The following PGPEP1L variants were observed in gnomAD, a reference collection of about 807,000 sequenced individuals.
PGPEP1L encodes pyroglutamyl-peptidase 1-like protein.
A neutral mutation model predicts 6.0 loss-of-function variants in PGPEP1L; 7 were observed. The observed-to-expected ratio is 1.17, with a 90% CI of 0.66 to 2.19. The LOEUF is 2.19. Among genes scored for constraint, PGPEP1L ranks in the 30% most tolerant of loss-of-function variants. The pLI is 0.00. For missense variants in PGPEP1L, 209 were observed against 192.5 expected, an observed-to-expected ratio of 1.09 and a Z score of -0.51; for synonymous variants, 103 against 83.9, an observed-to-expected ratio of 1.23 and a Z score of -1.24.
chr15:99,003,187 T>C (rs1347684734), intron 2 of PGPEP1L, among the ~76,000 whole-genome samples: 9 of 132,676 alleles, frequency 6.8e-5, no homozygotes, highest in East Asian at 4.1e-4. Context: ...AGGGCAGTTA[T>C]AGAAAATAGT....
At chr15:98,978,867 C>A (rs534742646) in intron 2 of PGPEP1L, among the ~76,000 whole-genome samples, 50 of 151,058 alleles carry the variant, frequency 3.3e-4, no homozygotes, top group African/African-American at 1.1e-3. Context: ...GTAGCTGGGA[C>A]TACAGGCACG....
rs761260263 is a variant in PGPEP1L at position 99,007,638 on chromosome 15, G to A, written c.-649C>T. On this transcript the variant is annotated 5_prime_UTR_variant, in exon 1 of 5. Coordinates refer to ENST00000535714, the MANE Select transcript of PGPEP1L (RefSeq NM_001167902.2). ...GTTTCTCCCGGTGGGTCCGTGATGT[G>A]GCTGGCTTTAAGAACGAAGCTGCAG... The A allele has an allele frequency of 6.6e-6, 1 of 152,042 alleles. No individual in the cohort carries two copies. The highest frequency in any genetic ancestry group is 2.4e-5 in the African/African-American group (1 of 41,422). The allele number at this position is 152,042 out of a possible 1,614,324, so 9.4% of individuals were successfully genotyped here. A position where few individuals can be genotyped will look rare whatever the true frequency, so the allele number is the denominator to read the frequency against.
chr15:99,005,556 T>C lies in PGPEP1L; in HGVS notation c.-269A>G. ...CGCTCTGAGCTCCGGGCACCTTCTC[T>C]GCCTGGCCGCGTGCTCGCCGGGGAC... On this transcript the variant is annotated 5_prime_UTR_variant, in exon 2 of 5. Coordinates refer to ENST00000535714, the MANE Select transcript of PGPEP1L (RefSeq NM_001167902.2). The C allele has an allele frequency of 6.6e-6, 1 of 152,394 alleles. No individual in the cohort carries two copies. The allele number at this position is 152,394 out of a possible 1,614,324, so 9.4% of individuals were successfully genotyped here. A position where few individuals can be genotyped will look rare whatever the true frequency, so the allele number is the denominator to read the frequency against.
chr15:98,998,931 C>T (rs1383397084), intron 2 of PGPEP1L, among the ~76,000 whole-genome samples: 4 of 152,122 alleles, frequency 2.6e-5, no homozygotes, highest in African/African-American at 4.8e-5. Flanking sequence ...GCTGAGATTG[C>T]GCCACTTAAC....
chr15:98,990,755 T>A (rs1555471964), intron 2 of PGPEP1L, among the ~76,000 whole-genome samples: 3 of 152,050 alleles, frequency 2.0e-5, no homozygotes, highest in Non-Finnish European at 4.4e-5. Context: ...GAAATCATAA[T>A]AAACAGTCTC....
rs1407025641 is a variant in PGPEP1L at position 99,007,732 on chromosome 15, A to G, written c.-743T>C. The G allele has an allele frequency of 6.6e-6, 1 of 152,266 alleles. No individual in the cohort carries two copies. Among genetic ancestry groups the G allele is most frequent in the African/African-American group, 2.4e-5 (1 of 41,460 alleles). 9.4% of individuals were successfully genotyped at this position (152,266 alleles called of 1,614,324 possible). On this transcript the variant is annotated 5_prime_UTR_variant, in exon 1 of 5. Coordinates refer to ENST00000535714, the MANE Select transcript of PGPEP1L (RefSeq NM_001167902.2). ...CAAACAGTAAGCAGCAGCAACGGTT[A>G]TTGCAAACAAGCAAAACAACAAAAC...
intron 4 of PGPEP1L, 108 bp downstream of exon 4, chr15:98,969,317 C>T: frequency 7.0e-7 from 1 of 1,423,060 alleles, no homozygotes; most frequent in Non-Finnish European, 9.8e-7. Context: ...ACCGCATGGC[C>T]AAGTGGCCAG....
In PGPEP1L at chr15:99,007,770, G is replaced by C. The variant is rs1264230325; in HGVS notation, c.-781C>G. The stretch of plus-strand genomic sequence containing the variant: ...AAAACAACAAAACTTCCACAGCACA[G>C]AAGGCGACTCCAGCAAGTTGCTACT... On this transcript the variant is annotated 5_prime_UTR_variant, in exon 1 of 5. Transcript: ENST00000535714. 2.6e-5 allele frequency: 4 copies of C among 152,238 alleles called. No homozygotes were observed. Among genetic ancestry groups the C allele is most frequent in the African/African-American group, 4.8e-5 (2 of 41,436 alleles). The allele number at this position is 152,238 out of a possible 1,614,324, so 9.4% of individuals were successfully genotyped here.
At chr15:99,006,790 C>A (rs1311358319) in intron 1 of PGPEP1L, among the ~76,000 whole-genome samples, 1 of 152,116 alleles carries the variant, frequency 6.6e-6, no homozygotes, top group Non-Finnish European at 1.5e-5. Context: ...AGAGTGAGAC[C>A]CTGTCTCTAA....
At chr15:98,985,853 C>T (rs1472729226) in intron 2 of PGPEP1L, among the ~76,000 whole-genome samples, 1 of 152,244 alleles carries the variant, frequency 6.6e-6, no homozygotes, top group African/African-American at 2.4e-5. Context: ...TTTATTCCAG[C>T]TTTTCAGAAG....
At chr15:99,007,083 G>GATTCTGAACC (rs2151769667) in intron 1 of PGPEP1L, among the ~76,000 whole-genome samples, 1 of 152,308 alleles carries the variant, frequency 6.6e-6, no homozygotes, top group East Asian at 1.9e-4. Context: ...GGCTTTCTGG[G>GATTCTGAACC]ATTCTGAACC....
At chr15:98,986,220 G>A (rs1283057738) in intron 2 of PGPEP1L, among the ~76,000 whole-genome samples, 1 of 152,184 alleles carries the variant, frequency 6.6e-6, no homozygotes, top group Non-Finnish European at 1.5e-5. Context: ...TCTTTCATGG[G>A]AATGAGGTGA....
In PGPEP1L at chr15:98,968,501, C is replaced by T. The variant is rs2017436069; in HGVS notation, c.406G>A (p.Val136Ile). 6.2e-7 allele frequency: 1 copy of T among 1,613,538 alleles called. No homozygotes were observed. The highest frequency in any genetic ancestry group is 8.5e-7 in the Non-Finnish European group (1 of 1,179,772). ...GGTCAGTTCCCTTTGGCTGGAAGGA[C>T]CATGGTTGAGTTTTCTTCGAACTGG... Reference protein sequence around the residue: ...RAQFEENSTMVLPAKGN With the variant: ...RAQFEENSTMILPAKGN Residue 136 changes from valine (V) to isoleucine (I), a missense_variant, in exon 5 of 5, where the codon GTC becomes ATC. Coordinates refer to ENST00000535714, the MANE Select transcript of PGPEP1L (RefSeq NM_001167902.2).
chr15:98,984,172 G>A lies in PGPEP1L; in HGVS notation c.-141-13014C>T, dbSNP rs185109939. Among the ~76,000 whole-genome samples the A allele has an allele frequency of 5.9e-5, 9 of 151,974 alleles. No homozygotes were observed. The South Asian group carries it at 6.3e-4, about 11-fold the overall frequency. On this transcript the variant is annotated intron_variant, in intron 2 of 4. Coordinates refer to ENST00000535714, the MANE Select transcript of PGPEP1L (RefSeq NM_001167902.2). ...ACTACAGGCGCCCACCACCACGCCCGGCTAATTTTTTTGTATTTTAGCAGA... is the reference window on the plus strand; with the variant it reads ...ACTACAGGCGCCCACCACCACGCCCAGCTAATTTTTTTGTATTTTAGCAGA...
At chr15:98,993,722 AGAT>A (rs1173092443) in intron 2 of PGPEP1L, among the ~76,000 whole-genome samples, 2 of 152,152 alleles carry the variant, frequency 1.3e-5, no homozygotes, top group Non-Finnish European at 2.9e-5. Flanking sequence ...TACCTAATAT[AGAT>A]GATGGGTTGA....
chr15:98,983,823 T>C (rs1344535903), intron 2 of PGPEP1L, among the ~76,000 whole-genome samples: 1 of 152,178 alleles, frequency 6.6e-6, no homozygotes, highest in African/African-American at 2.4e-5. Context: ...GTCTGTATTT[T>C]TCTTCTTTTC....
intron 2 of PGPEP1L, among the ~76,000 whole-genome samples, chr15:98,984,137 A>G (rs1247181546): frequency 6.6e-6 from 1 of 151,200 alleles, no homozygotes; most frequent in African/African-American, 2.4e-5. Context: ...CAGCCTCCCA[A>G]GTAGCTGGGA....
intron 2 of PGPEP1L, among the ~76,000 whole-genome samples, chr15:98,997,349 G>C (rs537432935): frequency 1.4e-4 from 22 of 152,328 alleles, no homozygotes; most frequent in African/African-American, 5.3e-4. Flanking sequence ...TGCTGCAAAT[G>C]CATGGTGCAA....
At chr15:98,979,998 A>G (rs561754908) in intron 2 of PGPEP1L, among the ~76,000 whole-genome samples, 18 of 152,308 alleles carry the variant, frequency 1.2e-4, no homozygotes, top group African/African-American at 4.3e-4. Flanking sequence ...ATGCAAAGGC[A>G]TAAGAATGAT....
Sources: allele counts gnomAD v4.1 joint callset (sites outside exome capture counted in the v4.1 genomes callset), GRCh38; gene constraint gnomAD v4.1.1; transcripts MANE v1.5; gene names NCBI Gene and HGNC (gene_info 2026-07-23, HGNC 2026-07-21).